SASH1: variants seen among roughly 807,000 people sequenced by gnomAD.
SASH1 encodes the protein SAM and SH3 domain containing 1.
In SASH1, 44 loss-of-function variants were observed where a neutral mutation model predicts 125.2. The observed-to-expected ratio is 0.35, with a 90% confidence interval of 0.28 to 0.45. The LOEUF (loss-of-function observed/expected upper bound fraction) is 0.45. Among genes scored for constraint, SASH1 ranks in the 20% least tolerant of loss-of-function variants. The pLI is 1.00. For synonymous variants in SASH1, 639 were observed against 649.1 expected (o/e 0.98, Z 0.24); for missense variants, 1,426 against 1,614.5 (o/e 0.88, Z 2.00).
intron 4 of SASH1, chr6:148,440,735 T>G (rs1412005169): frequency 1.0e-5 from 3 of 291,942 alleles, no homozygotes; most frequent in Non-Finnish European, 1.9e-5. Flanking sequence ...ATTTTTAATG[T>G]AGGATAAAAG....
intron 8 of SASH1, among the ~76,000 whole-genome samples, chr6:148,507,358 T>TTTGTTGTTGTTG (rs140530862): frequency 0.082 from 12,266 of 150,450 alleles, 669 homozygotes; most frequent in Middle Eastern, 0.14. Flanking sequence ...CCAATTCCCT[T>TTTGTTGTTGTTG]TTGTTGTTGT....
intron 11 of SASH1, 98 bp downstream of exon 11, chr6:148,525,463 G>A (rs1221721645): frequency 9.2e-6 from 9 of 978,676 alleles, no homozygotes; most frequent in African/African-American, 1.6e-5. Flanking sequence ...ACTGGGTACC[G>A]TTTTCCTTGG....
At position 148,456,571 on chromosome 6, in the gene SASH1, A is replaced by G. The variant is rs117489889; in HGVS notation, c.387-11974A>G. ...ACAAAATACTTGGGAGCCATTTAGT[A>G]ATGTAAATAGCAGGCGCAGTGGCTC... On this transcript the variant is annotated intron_variant, in intron 4 of 19. Transcript: ENST00000367467. Among the ~76,000 whole-genome samples, 787 of 152,354 alleles carry G rather than the reference A, an allele frequency of 5.2e-3. 3 individuals carry two copies. Among genetic ancestry groups the G allele is most frequent in the Non-Finnish European group, 8.9e-3 (605 of 68,036 alleles).
At chr6:148,275,386 T>C (rs774870805) in intron 1 of SASH1, among the ~76,000 whole-genome samples, 1 of 152,142 alleles carries the variant, frequency 6.6e-6, no homozygotes, top group African/African-American at 2.4e-5. Context: ...CCAAGAAAAT[T>C]ATTTGTATGT....
At chr6:148,278,333 G>T (rs374687313) in intron 1 of SASH1, among the ~76,000 whole-genome samples, 1 of 152,056 alleles carries the variant, frequency 6.6e-6, no homozygotes, top group Non-Finnish European at 1.5e-5. Context: ...CACCGCACCC[G>T]GCCGGGAGAG....
the SASH1 span, among the ~76,000 whole-genome samples, chr6:148,242,293 C>T: frequency 8.5e-5 from 13 of 152,318 alleles, no homozygotes; most frequent in East Asian, 2.3e-3. Context: ...ACGACTTCTC[C>T]ATTCCAGTGG....
At chr6:148,523,046 T>G (rs574244703) in intron 10 of SASH1, among the ~76,000 whole-genome samples, 1 of 152,358 alleles carries the variant, frequency 6.6e-6, no homozygotes, top group African/African-American at 2.4e-5. Flanking sequence ...CAGTTTTTCA[T>G]TTTAGAAATA....
intron 2 of SASH1, among the ~76,000 whole-genome samples, chr6:148,404,971 A>G (rs1045113968): frequency 2.0e-5 from 3 of 151,930 alleles, no homozygotes; most frequent in African/African-American, 4.8e-5. Context: ...ATAATAATGC[A>G]GTGTTGGAAG....
the SASH1 span, among the ~76,000 whole-genome samples, chr6:148,253,044 G>T: frequency 6.6e-6 from 1 of 152,200 alleles, no homozygotes; most frequent in African/African-American, 2.4e-5. Flanking sequence ...TGCTCAGCCT[G>T]CAGATAGACT....
chr6:148,387,661 TTTCTTTCTTTCTTTCTTTC>T (rs1783515239), intron 1 of SASH1, among the ~76,000 whole-genome samples: 1 of 103,908 alleles, frequency 9.6e-6, no homozygotes, highest in Non-Finnish European at 1.9e-5. Context: ...TCTTTCTTTC[TTTCTTTCTTTCTTTCTTTC>T]TTTCTTTCTT....
chr6:148,471,583 T>C (rs2115126498), intron 6 of SASH1, 80 bp downstream of exon 6: 1 of 846,198 alleles, frequency 1.2e-6, no homozygotes, highest in East Asian at 2.5e-5. Context: ...TCTCAGTGGA[T>C]GCTATAAGTT....
intron 4 of SASH1, among the ~76,000 whole-genome samples, chr6:148,466,968 G>C (rs1344824287): frequency 6.6e-6 from 1 of 151,832 alleles, no homozygotes; most frequent in Non-Finnish European, 1.5e-5. Flanking sequence ...TGTCTCTTCT[G>C]ATGCAGGTGC....
chr6:148,344,572 A>G (rs1326421185), intron 1 of SASH1, among the ~76,000 whole-genome samples: 1 of 152,128 alleles, frequency 6.6e-6, no homozygotes, highest in Non-Finnish European at 1.5e-5. Flanking sequence ...ATAAATATGC[A>G]TGCAATGTAT....
chr6:148,224,158 C>T, the SASH1 span, among the ~76,000 whole-genome samples: 6 of 152,042 alleles, frequency 3.9e-5, no homozygotes, highest in African/African-American at 9.7e-5. Context: ...TAGCCAGGTT[C>T]GGTGTCTCAC....
chr6:148,238,934 G>C, the SASH1 span, among the ~76,000 whole-genome samples: 1 of 152,128 alleles, frequency 6.6e-6, no homozygotes, highest in Admixed American at 6.5e-5. Context: ...GACCAAAAGA[G>C]CAGGCAGATT....
At chr6:148,224,523 G>T in the SASH1 span, among the ~76,000 whole-genome samples, 1 of 151,980 alleles carries the variant, frequency 6.6e-6, no homozygotes, top group African/African-American at 2.4e-5. Flanking sequence ...ACCACCTTTG[G>T]CTAATTTTTG....
intron 2 of SASH1, among the ~76,000 whole-genome samples, chr6:148,422,378 A>G (rs1398832183): frequency 1.3e-5 from 2 of 152,210 alleles, no homozygotes; most frequent in Non-Finnish European, 2.9e-5. Context: ...AGTGAGTGTT[A>G]CGTGTATACG....
intron 1 of SASH1, among the ~76,000 whole-genome samples, chr6:148,280,073 C>T (rs930651118): frequency 9.7e-6 from 1 of 102,828 alleles, no homozygotes; most frequent in Non-Finnish European, 2.0e-5. Context: ...CCCCATCATT[C>T]CCCCCCGACA....
intron 10 of SASH1, among the ~76,000 whole-genome samples, chr6:148,524,121 A>AT (rs796565408): frequency 0.02 from 2,632 of 128,540 alleles, 96 homozygotes; most frequent in African/African-American, 0.068. Context: ...ATATATATAT[A>AT]TTTTTTTTAA....
Sources: gnomAD v4.1 joint callset for allele counts (sites outside exome capture counted in the v4.1 genomes callset) on GRCh38, gnomAD v4.1.1 for gene constraint, MANE v1.5 for transcripts, NCBI Gene and HGNC (gene_info 2026-07-23, HGNC 2026-07-21) for gene names.